Variants in ATRNL1 observed in about 807,000 individuals in gnomAD.
ATRNL1 encodes the protein attractin-like protein 1.
In ATRNL1, 95 loss-of-function variants were observed where a neutral mutation model predicts 182.7. That is an observed-to-expected ratio of 0.52 (90% confidence interval 0.44 to 0.62). The LOEUF is 0.62. ATRNL1 is among the 20% of genes least tolerant of loss of function. The pLI is 0.00. For synonymous variants in ATRNL1, 576 were observed against 568.3 expected, an observed-to-expected ratio of 1.01 and a Z score of -0.19; for missense variants, 1,471 against 1,679.5, an observed-to-expected ratio of 0.88 and a Z score of 2.17.
chr10:115,265,321 A>G, intron 11 of ATRNL1, 44 bp downstream of exon 11: 1 of 1,198,890 alleles, frequency 8.3e-7, no homozygotes, highest in Non-Finnish European at 1.2e-6. Flanking sequence ...CACTTATATC[A>G]GTCATACTAT....
At chr10:115,798,761 A>G (rs1949717630) in intron 27 of ATRNL1, among the ~76,000 whole-genome samples, 1 of 151,520 alleles carries the variant, frequency 6.6e-6, no homozygotes, top group African/African-American at 2.4e-5. Flanking sequence ...ACTTGGTTTC[A>G]GTTTTACTTA....
At chr10:115,276,409 T>C (rs1294743684) in intron 13 of ATRNL1, among the ~76,000 whole-genome samples, 1 of 152,218 alleles carries the variant, frequency 6.6e-6, no homozygotes, top group Non-Finnish European at 1.5e-5. Flanking sequence ...TAAATTGCTA[T>C]CAAGTATTTA....
intron 1 of ATRNL1, among the ~76,000 whole-genome samples, chr10:115,099,977 C>G (rs190370073): frequency 6.6e-6 from 1 of 152,102 alleles, no homozygotes; most frequent in Admixed American, 6.5e-5. Context: ...TTCTTTTATA[C>G]TTTTCATGTT....
intron 28 of ATRNL1, among the ~76,000 whole-genome samples, chr10:115,897,419 T>G (rs1952235348): frequency 6.6e-6 from 1 of 152,172 alleles, no homozygotes; most frequent in African/African-American, 2.4e-5. Context: ...GAAGAAGTAT[T>G]CAAGGGTATT....
At chr10:115,909,932 A>G (rs1334851843) in intron 28 of ATRNL1, among the ~76,000 whole-genome samples, 1 of 152,146 alleles carries the variant, frequency 6.6e-6, no homozygotes, top group African/African-American at 2.4e-5. Context: ...ATTTTACTCA[A>G]TGGGCATTAG....
chr10:115,854,710 C>A (rs1951139624), intron 28 of ATRNL1, among the ~76,000 whole-genome samples: 1 of 152,200 alleles, frequency 6.6e-6, no homozygotes, highest in Non-Finnish European at 1.5e-5. Context: ...TTTGTAAAGT[C>A]TGTTTCAGAA....
In ATRNL1 at chr10:115,265,070, AT is replaced by A. The variant is rs5788101; in HGVS notation, c.1688-113del. Reference sequence around the variant, plus strand: ...TGTAGGTCATGGAAAATTAATGAGAATTTTTTTTTTGCTTCCTGCTTATGCA... The same window carrying A: ...TGTAGGTCATGGAAAATTAATGAGAATTTTTTTTTGCTTCCTGCTTATGCA... On this transcript the variant is annotated intron_variant, in intron 10 of 28. Transcript: ENST00000355044. The A allele has an allele frequency of 8.7e-3, 4,126 of 472,518 alleles. 19 individuals are homozygous for A. Among genetic ancestry groups the A allele is most frequent in the African/African-American group, 0.03 (1,478 of 49,254 alleles). The allele number at this position is 472,518 out of a possible 1,614,324, so 29.3% of individuals were successfully genotyped here. A position where few individuals can be genotyped will look rare whatever the true frequency, so the allele number is the denominator to read the frequency against.
In ATRNL1 at chr10:115,614,144, T is replaced by C. The variant is rs146661294; in HGVS notation, c.3795+64608T>C. 2.6e-3 allele frequency among the ~76,000 whole-genome samples: 392 copies of C among 152,254 alleles called. 1 individual carries two copies. The highest frequency in any genetic ancestry group is 9.1e-3 in the African/African-American group (378 of 41,578). On this transcript the variant is annotated intron_variant, in intron 26 of 28. Coordinates refer to ENST00000355044, the MANE Select transcript of ATRNL1 (RefSeq NM_207303.4). ...CATTTAATTAAAATCTTTCTACTTTTATGATGTAGGTTTCTATGGCTATAA... is the reference window on the plus strand; with the variant it reads ...CATTTAATTAAAATCTTTCTACTTTCATGATGTAGGTTTCTATGGCTATAA...
intron 24 of ATRNL1, among the ~76,000 whole-genome samples, chr10:115,490,766 C>T (rs1554976389): frequency 6.6e-6 from 1 of 152,060 alleles, no homozygotes; most frequent in Non-Finnish European, 1.5e-5. Context: ...AGTTTTGTTC[C>T]CTTGCTGGTG....
rs550455252 is a variant in ATRNL1, at chr10:115,770,047, A to T, written c.3903+42692A>T. Among the ~76,000 whole-genome samples, 52 of 152,120 alleles carry T rather than the reference A, an allele frequency of 3.4e-4. No individual in the cohort carries two copies. In the East Asian group the frequency reaches 9.8e-3, roughly 29 times the overall value. On this transcript the variant is annotated intron_variant, in intron 27 of 28. Coordinates refer to ENST00000355044, the MANE Select transcript of ATRNL1 (RefSeq NM_207303.4). ...GACACTTAATACTCTTCTTAATTTT[A>T]TATTCTCTTTCTTAAAGAAGACCTC...
At chr10:115,793,212 A>G (rs1240391313) in intron 27 of ATRNL1, among the ~76,000 whole-genome samples, 7 of 152,062 alleles carry the variant, frequency 4.6e-5, no homozygotes, top group Non-Finnish European at 7.4e-5. Flanking sequence ...GTTAGTCATT[A>G]TCTGTGCCCT....
chr10:115,552,811 G>A (rs1554995919), intron 26 of ATRNL1, among the ~76,000 whole-genome samples: 1 of 151,020 alleles, frequency 6.6e-6, no homozygotes, highest in Non-Finnish European at 1.5e-5. Context: ...AAATTTCTGT[G>A]GTGTTAAAAA....
At chr10:115,283,343 G>A (rs1167121185) in intron 14 of ATRNL1, among the ~76,000 whole-genome samples, 6 of 152,112 alleles carry the variant, frequency 3.9e-5, no homozygotes, top group Non-Finnish European at 7.4e-5. Context: ...GAACTCAGGA[G>A]GTGGAGGTTG....
chr10:115,558,049 CA>C (rs1293815372), intron 26 of ATRNL1, among the ~76,000 whole-genome samples: 11 of 83,028 alleles, frequency 1.3e-4, no homozygotes, highest in African/African-American at 3.8e-4. Flanking sequence ...ATCTCAAAAA[CA>C]AAAAAACAAA....
intron 20 of ATRNL1, among the ~76,000 whole-genome samples, chr10:115,404,760 T>G (rs688611): frequency 0.38 from 57,439 of 151,216 alleles, 12,076 homozygotes; most frequent in African/African-American, 0.57. Flanking sequence ...GGTATTTAGG[T>G]TTAATTTGTT....
At chr10:115,834,143 C>T (rs782665386) in intron 27 of ATRNL1, among the ~76,000 whole-genome samples, 2 of 152,150 alleles carry the variant, frequency 1.3e-5, no homozygotes, top group Non-Finnish European at 2.9e-5. Flanking sequence ...CCCTGCATAC[C>T]CCACACCTTT....
chr10:115,847,473 A>G (rs1044661146), intron 27 of ATRNL1, among the ~76,000 whole-genome samples: 16 of 152,124 alleles, frequency 1.1e-4, no homozygotes, highest in African/African-American at 3.1e-4. Flanking sequence ...GTGTATGTAT[A>G]TGTATATGTA....
intron 27 of ATRNL1, among the ~76,000 whole-genome samples, chr10:115,750,173 A>G (rs1555070291): frequency 6.6e-6 from 1 of 151,966 alleles, no homozygotes; most frequent in African/African-American, 2.4e-5. Flanking sequence ...ACACGTGAAC[A>G]CATAATAAAA....
intron 26 of ATRNL1, among the ~76,000 whole-genome samples, chr10:115,624,172 T>C (rs1443582836): frequency 2.0e-5 from 3 of 152,016 alleles, no homozygotes; most frequent in Non-Finnish European, 4.4e-5. Flanking sequence ...ACTAAAGTCA[T>C]GATACAGCCC....
Sources: allele counts gnomAD v4.1 joint callset (sites outside exome capture counted in the v4.1 genomes callset), GRCh38; gene constraint gnomAD v4.1.1; transcripts MANE v1.5; gene names NCBI Gene and HGNC (gene_info 2026-07-23, HGNC 2026-07-21).